Variants in TFB1M observed in about 807,000 individuals in gnomAD.
TFB1M encodes dimethyladenosine transferase 1, mitochondrial.
In TFB1M, 27 loss-of-function variants were observed where a neutral mutation model predicts 31.1. The ratio of observed to expected loss-of-function variants is 0.87; its 90% confidence interval spans 0.64 to 1.20. TFB1M has a LOEUF of 1.20. TFB1M is among the 50% of genes most tolerant of loss of function. The pLI is 0.00. For synonymous variants in TFB1M, 166 were observed against 151.8 expected, an observed-to-expected ratio of 1.09 and a Z score of -0.69; for missense variants, 394 against 418.7, an observed-to-expected ratio of 0.94 and a Z score of 0.51.
rs1784792633 is a variant in TFB1M at position 155,268,958 on chromosome 6, AAAG to A, written c.667-8561_667-8559del. 2.9e-5 allele frequency among the ~76,000 whole-genome samples: 4 copies of A among 136,428 alleles called. No individual in the cohort carries two copies. The South Asian group carries it at 9.5e-4, about 33-fold the overall frequency. 89.5% of individuals were successfully genotyped at this position (136,428 alleles called of 152,430 possible). A position where few individuals can be genotyped will look rare whatever the true frequency, so the allele number is the denominator to read the frequency against. Reference sequence around the variant, plus strand: ...AAGAATGATCAATTAAAAAAAAAAAAAAGAAAAAAGAAAAAAAATTAAAAAATT... The same window carrying A: ...AAGAATGATCAATTAAAAAAAAAAAAAAAAAAGAAAAAAAATTAAAAAATT... On this transcript the variant is annotated intron_variant, in intron 5 of 6. Coordinates refer to ENST00000367166, the MANE Select transcript of TFB1M (RefSeq NM_016020.4).
At chr6:155,282,036 G>A (rs1318161746) in intron 5 of TFB1M, among the ~76,000 whole-genome samples, 2 of 152,106 alleles carry the variant, frequency 1.3e-5, no homozygotes, top group African/African-American at 2.4e-5. Context: ...TTCTGAATTT[G>A]CATTGCAAAA....
rs770197640 is a variant in TFB1M at position 155,314,398 on chromosome 6, G to A, written c.31C>T (p.Arg11Cys). 4 of 1,614,242 alleles carry A rather than the reference G, an allele frequency of 2.5e-6. No homozygotes were observed. The highest frequency in any genetic ancestry group is 3.4e-6 in the Non-Finnish European group (4 of 1,180,034). Residue 11 changes from arginine to cysteine, a missense_variant, in exon 1 of 7, where the codon CGT (arginine) becomes TGT (cysteine). Arg to Cys is a radical substitution (Grantham distance 180). Around this residue, in one of 3 missense-constraint regions of TFB1M, gnomAD observed 273 missense variants for 256.4 expected, o/e 1.06. Coordinates refer to ENST00000367166, the MANE Select transcript of TFB1M (RefSeq NM_016020.4). MAASGKLSTC[R>C]LPPLPTIREI... ...CGAATCGTGGGCAACGGAGGGAGACGGCAAGTGCTGAGTTTTCCGGAGGCA... is the reference window on the plus strand; with the variant it reads ...CGAATCGTGGGCAACGGAGGGAGACAGCAAGTGCTGAGTTTTCCGGAGGCA...
chr6:155,247,961 A>C, the TFB1M span: 2 of 1,593,094 alleles, frequency 1.3e-6, no homozygotes, highest in Non-Finnish European at 8.6e-7. Context: ...AATTCACCCC[A>C]CTGTGCTCTT....
chr6:155,284,381 C>T lies in TFB1M; in HGVS notation c.666+777G>A, dbSNP rs547254094. On this transcript the variant is annotated intron_variant, in intron 5 of 6. Coordinates refer to ENST00000367166, the MANE Select transcript of TFB1M (RefSeq NM_016020.4). ...CCTTATATTTGAGAGTTTTAGGGAC[C>T]AGTGAGAAATTTCTATTCCTCATGA... Among the ~76,000 whole-genome samples, 4 of 152,214 alleles carry T rather than the reference C, an allele frequency of 2.6e-5. 1 individual carries two copies. Among genetic ancestry groups the T allele is most frequent in the African/African-American group, 9.6e-5 (4 of 41,510 alleles).
the TFB1M span, among the ~76,000 whole-genome samples, chr6:155,246,891 A>G: frequency 1.3e-5 from 2 of 152,240 alleles, no homozygotes; most frequent in South Asian, 4.1e-4. Flanking sequence ...ATCTTCCTTC[A>G]GAGTAGCTGC....
chr6:155,238,432 G>A, the TFB1M span, among the ~76,000 whole-genome samples: 1,863 of 152,226 alleles, frequency 0.012, 33 homozygotes, highest in Non-Finnish European at 0.015. Context: ...TTGCCTCCAC[G>A]TTTTCAGTTA....
the TFB1M span, among the ~76,000 whole-genome samples, chr6:155,249,154 A>AG: frequency 2.0e-5 from 3 of 152,174 alleles, no homozygotes; most frequent in South Asian, 6.2e-4. Context: ...CTGAATTGGG[A>AG]GAAAAAAAAG....
At chr6:155,277,689 C>T (rs772577044) in intron 5 of TFB1M, among the ~76,000 whole-genome samples, 57 of 152,046 alleles carry the variant, frequency 3.7e-4, no homozygotes, top group African/African-American at 1.2e-3. Flanking sequence ...TTATCACAAA[C>T]GGGAATTAGG....
At chr6:155,260,127 T>C (rs1784325166) in intron 6 of TFB1M, 146 bp downstream of exon 6, 3 of 944,928 alleles carry the variant, frequency 3.2e-6, no homozygotes, top group South Asian at 1.4e-5. Context: ...TCTCTCCTCA[T>C]TGGCAGTGAA....
chr6:155,257,090 T>C lies in TFB1M; in HGVS notation c.*746A>G, dbSNP rs764053945. 5 of 1,613,942 alleles carry C rather than the reference T, an allele frequency of 3.1e-6. No individual in the cohort carries two copies. Among genetic ancestry groups the C allele is most frequent in the Non-Finnish European group, 4.2e-6 (5 of 1,180,010 alleles). On this transcript the variant is annotated 3_prime_UTR_variant, in exon 7 of 7. Transcript: ENST00000367166. ...ACATCTGTTGTCAGTGAGGAGTGTT[T>C]TTATGAAACAGAGAGCCACGGAAAA...
At chr6:155,273,008 A>G (rs1785005854) in intron 5 of TFB1M, among the ~76,000 whole-genome samples, 1 of 152,236 alleles carries the variant, frequency 6.6e-6, no homozygotes, top group African/African-American at 2.4e-5. Context: ...AAAGTGAGCA[A>G]GCAGATGCTG....
At chr6:155,313,749 C>G (rs1778119263) in intron 1 of TFB1M, among the ~76,000 whole-genome samples, 1 of 152,142 alleles carries the variant, frequency 6.6e-6, no homozygotes, top group Non-Finnish European at 1.5e-5. Context: ...ATCCTACCCC[C>G]GGCACTAGCA....
intron 1 of TFB1M, chr6:155,313,991 T>C (rs1368185978): frequency 2.7e-6 from 2 of 754,360 alleles, no homozygotes; most frequent in Non-Finnish European, 3.9e-6. Flanking sequence ...GTGACCCAGA[T>C]TCCAATATTC....
chr6:155,282,102 T>C (rs1776390477), intron 5 of TFB1M, among the ~76,000 whole-genome samples: 1 of 152,142 alleles, frequency 6.6e-6, no homozygotes, highest in Non-Finnish European at 1.5e-5. Flanking sequence ...AAACACAAAA[T>C]TAAAAAAATT....
the TFB1M span, among the ~76,000 whole-genome samples, chr6:155,246,594 C>T: frequency 6.6e-6 from 1 of 152,162 alleles, no homozygotes; most frequent in Non-Finnish European, 1.5e-5. Context: ...TCTAGGCCTC[C>T]CAAAGTGCTG....
the TFB1M span, among the ~76,000 whole-genome samples, chr6:155,238,461 C>G: frequency 6.6e-6 from 1 of 152,134 alleles, no homozygotes; most frequent in Non-Finnish European, 1.5e-5. Flanking sequence ...GCAGTGCCCC[C>G]GACTCAAAAG....
Position 155,257,024 on chromosome 6 carries a change from T to A in TFB1M, c.*812A>T, listed in dbSNP as rs1451430594. ...CAGTCTGAAAATGCCACCATCGACC[T>A]AAATTCTGTTCTAGAGCGAGAATTC... is the stretch of plus-strand genomic sequence containing the variant. On this transcript the variant is annotated 3_prime_UTR_variant, in exon 7 of 7. Transcript: ENST00000367166. The A allele has an allele frequency of 5.0e-6, 8 of 1,614,060 alleles. No homozygotes were observed. The highest frequency in any genetic ancestry group is 3.3e-5 in the Admixed American group (2 of 60,004).
chr6:155,244,752 T>G, the TFB1M span: 9 of 1,613,816 alleles, frequency 5.6e-6, no homozygotes, highest in Non-Finnish European at 7.6e-6. Context: ...TCATCTGACT[T>G]TAACACCCTA....
chr6:155,251,057 G>C, the TFB1M span: 1 of 1,585,194 alleles, frequency 6.3e-7, no homozygotes, highest in South Asian at 1.1e-5. Flanking sequence ...AGACTGAACA[G>C]AGGCTGGGAT....
Sources: gnomAD v4.1 joint callset for allele counts (sites outside exome capture counted in the v4.1 genomes callset) on GRCh38, gnomAD v4.1.1 for gene constraint, gnomAD v4.1.1 regional missense constraint, MANE v1.5 for transcripts, NCBI Gene and HGNC (gene_info 2026-07-23, HGNC 2026-07-21) for gene names.